The following MYF5 variants were observed in gnomAD, a reference collection of about 807,000 sequenced individuals.
MYF5 encodes class C basic helix-loop-helix protein 2.
MYF5 carries 20 observed loss-of-function variants against 22.3 expected under a neutral mutation model. The observed-to-expected ratio is 0.90, with a 90% confidence interval of 0.63 to 1.30. The LOEUF (loss-of-function observed/expected upper bound fraction) is 1.30, where lower values mean the gene tolerates loss of function less well. Among genes scored for constraint, MYF5 ranks in the 50% most tolerant of loss-of-function variants. MYF5 has a pLI of 0.00. For synonymous variants in MYF5, 141 were observed against 128.4 expected (o/e 1.10, Z -0.66); for missense variants, 348 against 325.9 (o/e 1.07, Z -0.52).
At chr12:80,718,214 G>T in intron 1 of MYF5, 144 bp from the exon 2 acceptor site, 1 of 734,192 alleles carries the variant, frequency 1.4e-6, no homozygotes. Context: ...ATTTGGAGAG[G>T]GCTAGCCCTT....
In MYF5 at chr12:80,718,984, C is replaced by G. The variant is rs1230854256; in HGVS notation, c.701C>G (p.Ala234Gly). The G allele has an allele frequency of 1.2e-6, 2 of 1,614,120 alleles. No individual in the cohort carries two copies. The highest frequency in any genetic ancestry group is 1.7e-6 in the Non-Finnish European group (2 of 1,180,022). ...LQDLASLSPV[A>G]STDSQPATPG... ...GATCTGGCTTCTCTCTCTCCAGTTG[C>G]CAGCACCGATTCACAGCCTGCAACT... The change falls in exon 3 of 3, where the codon GCC (alanine) becomes GGC (glycine). Residue 234 changes from alanine (A) to glycine (G), a missense_variant. Coordinates refer to ENST00000228644, the MANE Select transcript of MYF5 (RefSeq NM_005593.3).
At chr12:80,718,825 AATT>A in intron 2 of MYF5, 33 bp from the exon 3 acceptor site, 1 of 1,541,430 alleles carries the variant, frequency 6.5e-7, no homozygotes, top group Non-Finnish European at 8.9e-7. Flanking sequence ...ATCTTGGGCT[AATT>A]ATTTTTTAAT....
At position 80,717,436 on chromosome 12, in the gene MYF5, A is replaced by C. The variant is rs1319822848; in HGVS notation, c.373A>C (p.Arg125=). 1 of 1,614,200 alleles carries C rather than the reference A, an allele frequency of 6.2e-7. No homozygotes were observed. The highest frequency in any genetic ancestry group is 1.7e-5 in the Admixed American group (1 of 60,030). Reference sequence around the variant, plus strand: ...GAGGCTGCCCAAGGTGGAGATCCTCAGGAATGCCATCCGCTACATCGAGAG... The same window carrying C: ...GAGGCTGCCCAAGGTGGAGATCCTCCGGAATGCCATCCGCTACATCGAGAG... The part of the protein sequence containing the change: ...NQRLPKVEIL[R]NAIRYIESLQ... The change falls in exon 1 of 3, where the codon AGG becomes CGG. Residue 125 remains arginine, a synonymous_variant. Coordinates refer to ENST00000228644, the MANE Select transcript of MYF5 (RefSeq NM_005593.3).
rs912634575 is a variant in MYF5, at chr12:80,719,453, A to G, written c.*402A>G. ...ATTAAAACAGCTGAGAATCAGTTAA[A>G]TGGAATTTTAAATATATTTAACTAT... On this transcript the variant is annotated 3_prime_UTR_variant, in exon 3 of 3. Coordinates refer to ENST00000228644, the MANE Select transcript of MYF5 (RefSeq NM_005593.3). 4.0e-5 allele frequency: 6 copies of G among 151,824 alleles called. No homozygotes were observed. The highest frequency in any genetic ancestry group is 1.4e-4 in the African/African-American group (6 of 41,386). The allele number at this position is 151,824 out of a possible 1,614,324, so 9.4% of individuals were successfully genotyped here.
rs752147258 is a variant in MYF5 at position 80,718,949 on chromosome 12, G to A, written c.666G>A (p.Leu222=). 10 of 1,613,954 alleles carry A rather than the reference G, an allele frequency of 6.2e-6. No individual in the cohort carries two copies. In the South Asian group the frequency reaches 1.1e-4, roughly 18 times the overall value. ...DRITSSEQPG[L]PLQDLASLSP... ...TCACCTCCTCAGAGCAACCTGGGTT[G>A]CCTCTCCAGGATCTGGCTTCTCTCT... Residue 222 remains leucine, a synonymous_variant, in exon 3 of 3, where the codon TTG becomes TTA. Transcript: ENST00000228644.
At position 80,718,523 on chromosome 12, in the gene MYF5, G is replaced by A. The variant is rs1163262; in HGVS notation, c.577+90G>A. 7,179 of 1,177,190 alleles carry A rather than the reference G, an allele frequency of 6.1e-3. 226 individuals carry two copies. The African/African-American group carries it at 0.078, about 13-fold the overall frequency. 72.9% of individuals were successfully genotyped at this position (1,177,190 alleles called of 1,614,324 possible). A position where few individuals can be genotyped will look rare whatever the true frequency, so the allele number is the denominator to read the frequency against. On this transcript the variant is annotated intron_variant, in intron 2 of 2. Coordinates refer to ENST00000228644, the MANE Select transcript of MYF5 (RefSeq NM_005593.3). ...TTCTGTTCTTGCTGATAGTATTGGG[G>A]AAGGGAGAATGGAAGTGATGGTTCT...
chr12:80,718,576 AAAC>A, intron 2 of MYF5, 143 bp downstream of exon 2: 1 of 772,832 alleles, frequency 1.3e-6, no homozygotes, highest in Non-Finnish European at 2.2e-6. Context: ...AAAGCAAAAT[AAAC>A]ACATCTTCTG....
At position 80,717,025 on chromosome 12, in the gene MYF5, C is replaced by T; in HGVS notation, c.-39C>T. The T allele has an allele frequency of 6.4e-7, 1 of 1,560,802 alleles. No homozygotes were observed. The highest frequency in any genetic ancestry group is 2.3e-5 in the East Asian group (1 of 44,202). ...CAGGCTCCCGTTTCTCCCCATCCCT[C>T]TCGCTGCCGTCCAGGTGCACCGCCT... is the stretch of plus-strand genomic sequence containing the variant. On this transcript the variant is annotated 5_prime_UTR_variant, in exon 1 of 3. Transcript: ENST00000228644.
At position 80,718,364 on chromosome 12, in the gene MYF5, T is replaced by A. The variant is rs748579206; in HGVS notation, c.508T>A (p.Cys170Ser). ...TGTGTGTCTTGTATTATAGCCCGAA[T>A]GTAACAGTCCTGTCTGGTCCAGAAA... The part of the protein sequence containing the change: ...TSNCSDGMPE[C>S]NSPVWSRKSS... The change falls in exon 2 of 3, where the codon TGT (cysteine) becomes AGT (serine). Residue 170 changes from cysteine (C) to serine (S), a missense_variant. Coordinates refer to ENST00000228644, the MANE Select transcript of MYF5 (RefSeq NM_005593.3). 33 of 1,613,854 alleles carry A rather than the reference T, an allele frequency of 2.0e-5. No homozygotes were observed. The South Asian group carries it at 3.5e-4, about 17-fold the overall frequency.
rs200695610 is a variant in MYF5, at chr12:80,719,411, A to AT, written c.*367dup. The AT allele has an allele frequency of 6.6e-6, 1 of 151,336 alleles. No individual in the cohort carries two copies. The highest frequency in any genetic ancestry group is 1.9e-4 in the East Asian group (1 of 5,188). 9.4% of individuals were successfully genotyped at this position (151,336 alleles called of 1,614,324 possible). ...AAATGTCTCTGGTGTTTAGAGCTTT[A>AT]TTTTTTTCTTTAAAACATTAAAACA... is the stretch of plus-strand genomic sequence containing the variant. On this transcript the variant is annotated 3_prime_UTR_variant, in exon 3 of 3. Coordinates refer to ENST00000228644, the MANE Select transcript of MYF5 (RefSeq NM_005593.3).
At position 80,719,048 on chromosome 12, in the gene MYF5, A is replaced by C. The variant is rs547159404; in HGVS notation, c.765A>C (p.Leu255=). The C allele has an allele frequency of 4.8e-5, 78 of 1,613,366 alleles. No individual in the cohort carries two copies. The highest frequency in any genetic ancestry group is 6.5e-5 in the Non-Finnish European group (77 of 1,179,722). The stretch of plus-strand genomic sequence containing the variant: ...GTTCCAGGCTTATCTATCATGTGCT[A>C]TGAACTAATTTTCTGGTCTATATGA... ...ASSSRLIYHV[L] is the part of the protein sequence containing the mutation. Residue 255 remains leucine, a synonymous_variant, in exon 3 of 3, where the codon CTA becomes CTC. Transcript: ENST00000228644.
Position 80,717,411 on chromosome 12 carries a change from G to C in MYF5, c.348G>C (p.Gln116His). Reference protein sequence around the residue: ...LKRCTTTNPNQRLPKVEILRN... With the variant: ...LKRCTTTNPNHRLPKVEILRN... ...GGTGTACCACGACCAACCCCAACCAGAGGCTGCCCAAGGTGGAGATCCTCA... is the reference window on the plus strand; with the variant it reads ...GGTGTACCACGACCAACCCCAACCACAGGCTGCCCAAGGTGGAGATCCTCA... The change falls in exon 1 of 3, where the codon CAG becomes CAC. Residue 116 changes from glutamine to histidine, a missense_variant. By Grantham distance (24) the Gln-to-His change is conservative. Coordinates refer to ENST00000228644, the MANE Select transcript of MYF5 (RefSeq NM_005593.3). The C allele has an allele frequency of 6.2e-7, 1 of 1,614,200 alleles. No homozygotes were observed. Among genetic ancestry groups the C allele is most frequent in the Non-Finnish European group, 8.5e-7 (1 of 1,180,034 alleles).
At chr12:80,718,795 C>A (rs1868672718) in intron 2 of MYF5, 66 bp from the exon 3 acceptor site, 2 of 1,350,540 alleles carry the variant, frequency 1.5e-6, no homozygotes, top group Admixed American at 1.9e-5. Flanking sequence ...ATTTAAGGAG[C>A]AACATAAGCA....
Position 80,716,918 on chromosome 12 carries a change from G to T in MYF5, c.-146G>T. ...CCCCAACCCCAGCTTGTCTACCCAG[G>T]CCAACAGGCGTCTGCCCTTGTTAAT... is the stretch of plus-strand genomic sequence containing the variant. On this transcript the variant is annotated 5_prime_UTR_variant, in exon 1 of 3. Transcript: ENST00000228644. 1.0e-6 allele frequency: 1 copy of T among 993,066 alleles called. No individual in the cohort carries two copies. The allele number at this position is 993,066 out of a possible 1,614,324, so 61.5% of individuals were successfully genotyped here.
intron 2 of MYF5, 69 bp from the exon 3 acceptor site, chr12:80,718,792 G>C (rs906920078): frequency 2.0e-5 from 27 of 1,334,330 alleles, no homozygotes; most frequent in Non-Finnish European, 2.4e-5. Context: ...ACAATTTAAG[G>C]AGCAACATAA....
At position 80,718,842 on chromosome 12, in the gene MYF5, T is replaced by A. The variant is rs762830414; in HGVS notation, c.578-19T>A. ...CTTGGGCTAATTATTTTTTAATGCT[T>A]TTCTCCTTGTATCCTTAGTATATGC... On this transcript the variant is annotated intron_variant, in intron 2 of 2. Coordinates refer to ENST00000228644, the MANE Select transcript of MYF5 (RefSeq NM_005593.3). 1.2e-5 allele frequency: 19 copies of A among 1,588,880 alleles called. No individual in the cohort carries two copies. The highest frequency in any genetic ancestry group is 1.5e-5 in the Non-Finnish European group (17 of 1,161,516).
In MYF5 at chr12:80,717,016, C is replaced by A; in HGVS notation, c.-48C>A. The A allele has an allele frequency of 2.6e-6, 4 of 1,555,074 alleles. No individual in the cohort carries two copies. The highest frequency in any genetic ancestry group is 3.5e-6 in the Non-Finnish European group (4 of 1,152,356). On this transcript the variant is annotated 5_prime_UTR_variant, in exon 1 of 3. Transcript: ENST00000228644. ...CGGAGGCGCCAGGCTCCCGTTTCTC[C>A]CCATCCCTCTCGCTGCCGTCCAGGT... is the stretch of plus-strand genomic sequence containing the variant.
rs945794186 is a variant in MYF5 at position 80,719,536 on chromosome 12, A to G, written c.*485A>G. 2 of 151,966 alleles carry G rather than the reference A, an allele frequency of 1.3e-5. No individual in the cohort carries two copies. Among genetic ancestry groups the G allele is most frequent in the African/African-American group, 2.4e-5 (1 of 41,412 alleles). The allele number at this position is 151,966 out of a possible 1,614,324, so 9.4% of individuals were successfully genotyped here. A position where few individuals can be genotyped will look rare whatever the true frequency, so the allele number is the denominator to read the frequency against. ...ATTAAATAAAAATATAATACTGCCTAATGTATATATTTTGATCTTTTCTTG... is the reference window on the plus strand; with the variant it reads ...ATTAAATAAAAATATAATACTGCCTGATGTATATATTTTGATCTTTTCTTG... On this transcript the variant is annotated 3_prime_UTR_variant, in exon 3 of 3. Coordinates refer to ENST00000228644, the MANE Select transcript of MYF5 (RefSeq NM_005593.3).
At chr12:80,718,320 A>T (rs1868656397) in intron 1 of MYF5, 38 bp from the exon 2 acceptor site, 1 of 1,573,028 alleles carries the variant, frequency 6.4e-7, no homozygotes, top group Admixed American at 1.7e-5. Context: ...TTTTGCCAAG[A>T]CCTGAAAACA....
Sources: gnomAD v4.1 joint callset for allele counts on GRCh38, gnomAD v4.1.1 for gene constraint, MANE v1.5 for transcripts, NCBI Gene and HGNC (gene_info 2026-07-23, HGNC 2026-07-21) for gene names.